The following POLA1 variants were observed in gnomAD, a reference collection of about 807,000 sequenced individuals.
POLA1 encodes DNA polymerase alpha catalytic subunit.
A neutral mutation model predicts 124.0 loss-of-function variants in POLA1; 15 were observed. That is an observed-to-expected ratio of 0.12 (90% confidence interval 0.08 to 0.19). The LOEUF (loss-of-function observed/expected upper bound fraction) is 0.19. Among genes scored for constraint, POLA1 ranks in the 10% least tolerant of loss-of-function variants. The pLI, the probability that POLA1 is intolerant of heterozygous loss-of-function variation, is 1.00. For synonymous variants in POLA1, 408 were observed against 389.4 expected (o/e 1.05, Z -0.56); for missense variants, 886 against 1,103.4 (o/e 0.80, Z 2.79).
Position 24,803,729 on chromosome X carries a change from A to G in POLA1, c.2965-6169A>G, listed in dbSNP as rs1489730083. ...TACTGAAGAAGTAAATGTGATTGAA[A>G]TACAAACCAACCAAATATAATGAAG... On this transcript the variant is annotated intron_variant, in intron 26 of 36. Coordinates refer to ENST00000379068, the MANE Select transcript of POLA1 (RefSeq NM_001330360.2). Among the ~76,000 whole-genome samples the G allele has an allele frequency of 4.5e-5, 5 of 110,165 alleles. No individual in the cohort carries two copies. In the Admixed American group the frequency reaches 4.8e-4, roughly 11 times the overall value.
intron 36 of POLA1, among the ~76,000 whole-genome samples, chrX:24,986,080 G>T (rs1329302848): frequency 8.9e-6 from 1 of 111,761 alleles, no homozygotes; most frequent in African/African-American, 3.3e-5. Flanking sequence ...GCTGAGGCAG[G>T]AGAATCGCTT....
chrX:24,769,436 GTCT>G (rs1386101600), intron 26 of POLA1, among the ~76,000 whole-genome samples: 6 of 111,785 alleles, frequency 5.4e-5, no homozygotes, highest in Non-Finnish European at 7.5e-5. Flanking sequence ...AGGGCAGCCT[GTCT>G]TCTTAATTCC....
At chrX:24,824,118 G>A (rs890864867) in intron 31 of POLA1, among the ~76,000 whole-genome samples, 1 of 111,562 alleles carries the variant, frequency 9.0e-6, no homozygotes, top group Admixed American at 9.5e-5. Context: ...TGAATCGACT[G>A]CACCTGGTTG....
At chrX:24,892,653 C>T (rs757062350) in intron 35 of POLA1, among the ~76,000 whole-genome samples, 5 of 111,784 alleles carry the variant, frequency 4.5e-5, no homozygotes, top group Non-Finnish European at 9.4e-5. Context: ...CTCTCATTAT[C>T]GAACTGGGAT....
At chrX:24,896,442 TGTTTTG>T (rs1183708440) in intron 35 of POLA1, among the ~76,000 whole-genome samples, 10 of 111,684 alleles carry the variant, frequency 9.0e-5, no homozygotes, top group Non-Finnish European at 1.5e-4. Flanking sequence ...GTTTCTTTTT[TGTTTTG>T]GTTTTTGGTT....
intron 36 of POLA1, among the ~76,000 whole-genome samples, chrX:24,968,548 A>C (rs758584740): frequency 9.1e-6 from 1 of 109,502 alleles, no homozygotes; most frequent in East Asian, 2.9e-4. Context: ...AAATACAAAA[A>C]ATTAGCTGGG....
At chrX:24,707,627 A>G (rs929844035) in intron 4 of POLA1, among the ~76,000 whole-genome samples, 70 of 112,582 alleles carry the variant, frequency 6.2e-4, no homozygotes, top group Non-Finnish European at 9.4e-5. Context: ...GGCTTATAAG[A>G]AATTACTAAG....
At chrX:24,950,838 TAC>T (rs2048028691) in intron 36 of POLA1, among the ~76,000 whole-genome samples, 1 of 112,162 alleles carries the variant, frequency 8.9e-6, no homozygotes, top group Non-Finnish European at 1.9e-5. Context: ...TAGCAGCTGT[TAC>T]AGAGTCATGT....
intron 26 of POLA1, among the ~76,000 whole-genome samples, chrX:24,759,677 C>T (rs748586405): frequency 5.4e-5 from 6 of 112,064 alleles, no homozygotes; most frequent in Admixed American, 2.8e-4. Flanking sequence ...GTAATTTTGC[C>T]TTTTTAATTA....
At chrX:24,775,113 G>C (rs1318595286) in intron 26 of POLA1, 1 of 110,359 alleles carries the variant, frequency 9.1e-6, no homozygotes, top group Non-Finnish European at 1.9e-5. Context: ...TCCATTATTA[G>C]CAAATACCTC....
At position 24,975,118 on chromosome X, in the gene POLA1, T is replaced by C. The variant is rs2048350863; in HGVS notation, c.4262-20687T>C. Among the ~76,000 whole-genome samples the C allele has an allele frequency of 1.8e-5, 2 of 112,010 alleles. 1 individual carries two copies. Among genetic ancestry groups the C allele is most frequent in the Admixed American group, 1.9e-4 (2 of 10,601 alleles). ...CTTCTGCCTCCCAGGTTCAAGCAAT[T>C]CTTCTGCCTCAGCCTCCCAAGTAGC... On this transcript the variant is annotated intron_variant, in intron 36 of 36. Coordinates refer to ENST00000379068, the MANE Select transcript of POLA1 (RefSeq NM_001330360.2).
At chrX:24,958,096 G>A (rs2048127546) in intron 36 of POLA1, among the ~76,000 whole-genome samples, 1 of 111,275 alleles carries the variant, frequency 9.0e-6, no homozygotes, top group Non-Finnish European at 1.9e-5. Flanking sequence ...ATTTTTAAGA[G>A]GAAGAGATCA....
At chrX:24,805,826 G>A (rs1209970534) in intron 26 of POLA1, among the ~76,000 whole-genome samples, 2 of 110,268 alleles carry the variant, frequency 1.8e-5, no homozygotes. Context: ...TTTTCTAGCC[G>A]TTAGCACTTA....
At chrX:24,806,229 C>T (rs1337048450) in intron 26 of POLA1, among the ~76,000 whole-genome samples, 2 of 106,457 alleles carry the variant, frequency 1.9e-5, no homozygotes, top group Non-Finnish European at 3.9e-5. Context: ...ATTTATAATA[C>T]TGTGTACCCC....
At chrX:24,745,771 G>C (rs1250264082) in intron 24 of POLA1, among the ~76,000 whole-genome samples, 1 of 111,597 alleles carries the variant, frequency 9.0e-6, no homozygotes, top group African/African-American at 3.3e-5. Flanking sequence ...CCTTTTAGCT[G>C]TCACCTCCCT....
rs2045885087 is a variant in POLA1, at chrX:24,810,777, G to C, written c.3067G>C (p.Glu1023Gln). 1.9e-6 allele frequency: 2 copies of C among 1,070,100 alleles called. No homozygotes were observed. The highest frequency in any genetic ancestry group is 2.6e-6 in the Non-Finnish European group (2 of 773,741). 88.2% of individuals were successfully genotyped at this position (1,070,100 alleles called of 1,213,427 possible). ...MINTNSTNLE[E>Q]VFKLGNKVKS... ...AAACACCAATAGCACCAATCTGGAAGAAGTATTTAAGTTGGGAAACAAGGT... is the reference window on the plus strand; with the variant it reads ...AAACACCAATAGCACCAATCTGGAACAAGTATTTAAGTTGGGAAACAAGGT... The change falls in exon 28 of 37, where the codon GAA (glutamate) becomes CAA (glutamine). Residue 1023 changes from glutamate (E) to glutamine (Q), a missense_variant. Around this residue, in one of 7 missense-constraint regions of POLA1, gnomAD observed 313 missense variants for 359.7 expected, o/e 0.87. Coordinates refer to ENST00000379068, the MANE Select transcript of POLA1 (RefSeq NM_001330360.2).
chrX:24,822,823 C>A (rs1262539690), intron 31 of POLA1, among the ~76,000 whole-genome samples: 1 of 110,451 alleles, frequency 9.1e-6, no homozygotes, highest in East Asian at 2.8e-4. Context: ...CTTATGTCTT[C>A]ACATACATGG....
chrX:24,984,654 C>CTTTTTTTTT (rs72426448), intron 36 of POLA1, among the ~76,000 whole-genome samples: 1 of 78,727 alleles, frequency 1.3e-5, no homozygotes, highest in African/African-American at 5.1e-5. Flanking sequence ...ACCTTTTGCA[C>CTTTTTTTTT]TTTTTTTTTT....
At chrX:24,874,909 T>A (rs1248575400) in intron 34 of POLA1, among the ~76,000 whole-genome samples, 1 of 111,812 alleles carries the variant, frequency 8.9e-6, no homozygotes, top group Non-Finnish European at 1.9e-5. Context: ...AACAGATGGG[T>A]TTTATATTGA....
Sources: allele counts gnomAD v4.1 joint callset (sites outside exome capture counted in the v4.1 genomes callset), GRCh38; gene constraint gnomAD v4.1.1; regional missense constraint gnomAD v4.1.1; transcripts MANE v1.5; gene names NCBI Gene and HGNC (gene_info 2026-07-23, HGNC 2026-07-21).